Variants in STPG4 observed in about 807,000 individuals in gnomAD.
STPG4 encodes protein STPG4.
In STPG4, 41 loss-of-function variants were observed where a neutral mutation model predicts 31.5. The observed-to-expected ratio is 1.30, with a 90% confidence interval of 1.01 to 1.69. The LOEUF (loss-of-function observed/expected upper bound fraction) is 1.69. Among genes scored for constraint, STPG4 ranks in the 40% most tolerant of loss-of-function variants. The probability of loss-of-function intolerance (pLI) is 0.00; values close to 1 mark genes in which losing one functional copy is unlikely to be tolerated. For missense variants in STPG4, 375 were observed against 293.4 expected, an observed-to-expected ratio of 1.28 and a Z score of -2.03; for synonymous variants, 141 against 103.0, an observed-to-expected ratio of 1.37 and a Z score of -2.24.
intron 2 of STPG4, 76 bp from the exon 3 acceptor site, chr2:47,151,591 G>T: frequency 8.1e-7 from 1 of 1,230,940 alleles, no homozygotes; most frequent in Non-Finnish European, 1.2e-6. Context: ...TGGATGGGAA[G>T]CTCCCAAGTA....
intron 5 of STPG4, among the ~76,000 whole-genome samples, chr2:47,118,730 TAG>T (rs1447562999): frequency 6.6e-6 from 1 of 152,166 alleles, no homozygotes; most frequent in African/African-American, 2.4e-5. Context: ...ACCTGTCAAA[TAG>T]AGATGATAAA....
intron 5 of STPG4, among the ~76,000 whole-genome samples, chr2:47,107,384 G>T (rs1031065706): frequency 6.6e-6 from 1 of 152,160 alleles, no homozygotes; most frequent in Admixed American, 6.5e-5. Context: ...GCAGCTGGCC[G>T]GCCCTGCCGG....
At chr2:47,146,199 T>A (rs934500471) in intron 3 of STPG4, among the ~76,000 whole-genome samples, 23 of 152,202 alleles carry the variant, frequency 1.5e-4, no homozygotes, top group African/African-American at 4.8e-4. Context: ...ACACTCACTA[T>A]CATACCGCTT....
At chr2:47,131,113 C>A (rs999754357) in intron 3 of STPG4, among the ~76,000 whole-genome samples, 8 of 151,752 alleles carry the variant, frequency 5.3e-5, no homozygotes, top group African/African-American at 1.7e-4. Flanking sequence ...TGTACCTGAC[C>A]TGATCACATC....
At chr2:47,128,286 G>A (rs1037331822) in intron 5 of STPG4, among the ~76,000 whole-genome samples, 2 of 152,142 alleles carry the variant, frequency 1.3e-5, no homozygotes, top group African/African-American at 4.8e-5. Context: ...GACTGCACTG[G>A]GTCAGAGCCA....
chr2:47,154,690 C>T (rs1558691195), intron 1 of STPG4, among the ~76,000 whole-genome samples: 1 of 152,188 alleles, frequency 6.6e-6, no homozygotes, highest in African/African-American at 2.4e-5. Context: ...GAGATCACAC[C>T]GCTGCACTCC....
intron 3 of STPG4, among the ~76,000 whole-genome samples, chr2:47,141,023 A>G (rs1686691164): frequency 6.6e-6 from 1 of 151,866 alleles, no homozygotes; most frequent in South Asian, 2.1e-4. Context: ...AGTAGCTGTG[A>G]CTACAGGTGT....
Position 47,137,073 on chromosome 2 carries a change from A to G in STPG4, c.400-6813T>C, listed in dbSNP as rs140072670. Among the ~76,000 whole-genome samples, 112 of 152,286 alleles carry G rather than the reference A, an allele frequency of 7.4e-4. 1 individual carries two copies. The East Asian group carries it at 0.02, about 27-fold the overall frequency. ...ACATCCTTGCCTTTTTCCTGATCTT[A>G]GTGGGAAAGCTTCTAGTTTCTCACC... On this transcript the variant is annotated intron_variant, in intron 3 of 6. Coordinates refer to ENST00000445927, the MANE Select transcript of STPG4 (RefSeq NM_001163561.2).
intron 5 of STPG4, among the ~76,000 whole-genome samples, chr2:47,092,521 C>CAAGAAAAGAAAG (rs1553422711): frequency 8.5e-6 from 1 of 117,422 alleles, no homozygotes; most frequent in East Asian, 2.9e-4. Flanking sequence ...GAATGAGACC[C>CAAGAAAAGAAAG]AAGAAAAGAA....
intron 5 of STPG4, among the ~76,000 whole-genome samples, chr2:47,123,536 C>G (rs1486211231): frequency 6.6e-6 from 1 of 152,002 alleles, no homozygotes; most frequent in Non-Finnish European, 1.5e-5. Context: ...AAAAATAAAC[C>G]AAGGAAGGGG....
intron 1 of STPG4, among the ~76,000 whole-genome samples, chr2:47,153,890 A>G (rs1686981397): frequency 6.6e-6 from 1 of 152,232 alleles, no homozygotes; most frequent in East Asian, 1.9e-4. Context: ...GAAGCTGATT[A>G]TTTTGGTATT....
chr2:47,108,221 G>T (rs4952872), intron 5 of STPG4, among the ~76,000 whole-genome samples: 1 of 135,972 alleles, frequency 7.4e-6, no homozygotes. Context: ...AGCAGGATGT[G>T]GGTGGGGCCA....
At chr2:47,153,943 T>C (rs761920573) in intron 1 of STPG4, among the ~76,000 whole-genome samples, 5 of 152,254 alleles carry the variant, frequency 3.3e-5, no homozygotes, top group Non-Finnish European at 5.9e-5. Flanking sequence ...TTTAGTACTC[T>C]ATACCCATTC....
At chr2:47,114,453 G>C (rs1345071609) in intron 5 of STPG4, among the ~76,000 whole-genome samples, 1 of 152,078 alleles carries the variant, frequency 6.6e-6, no homozygotes, top group Non-Finnish European at 1.5e-5. Context: ...GTTGCAGTGA[G>C]TCGAGATCAC....
rs72877047 is a variant in STPG4, at chr2:47,126,350, G to A, written c.519+3591C>T. On this transcript the variant is annotated intron_variant, in intron 5 of 6. Transcript: ENST00000445927. ...CCTTCTCCTTCTTCTTCTTCAGACAGGGTCTTGTTCTGTTGCCCAGGCTGG... is the reference window on the plus strand; with the variant it reads ...CCTTCTCCTTCTTCTTCTTCAGACAAGGTCTTGTTCTGTTGCCCAGGCTGG... 8.8e-4 allele frequency among the ~76,000 whole-genome samples: 133 copies of A among 151,456 alleles called. 2 individuals are homozygous for A. Among genetic ancestry groups the A allele is most frequent in the African/African-American group, 3.2e-3 (131 of 41,190 alleles).
intron 5 of STPG4, among the ~76,000 whole-genome samples, chr2:47,101,335 G>A (rs554773837): frequency 6.6e-6 from 1 of 151,724 alleles, no homozygotes; most frequent in Non-Finnish European, 1.5e-5. Context: ...GGTTGACAGA[G>A]AGGAAAGCCA....
chr2:47,097,721 T>G (rs35110183), intron 5 of STPG4, among the ~76,000 whole-genome samples: 35,330 of 152,072 alleles, frequency 0.23, 4,208 homozygotes, highest in Admixed American at 0.26. Context: ...GGTTTATAAA[T>G]TACCCAGTCT....
At chr2:47,124,363 C>A (rs1686326352) in intron 5 of STPG4, among the ~76,000 whole-genome samples, 1 of 152,118 alleles carries the variant, frequency 6.6e-6, no homozygotes, top group Non-Finnish European at 1.5e-5. Flanking sequence ...ATCATTCTAT[C>A]TAACTATATC....
At chr2:47,100,094 C>T (rs112658623) in intron 5 of STPG4, among the ~76,000 whole-genome samples, 9 of 152,086 alleles carry the variant, frequency 5.9e-5, no homozygotes, top group African/African-American at 2.2e-4. Context: ...GTCCCATCGA[C>T]CACCCAAGGG....
Sources: gnomAD v4.1 joint callset for allele counts (sites outside exome capture counted in the v4.1 genomes callset) on GRCh38, gnomAD v4.1.1 for gene constraint, MANE v1.5 for transcripts, NCBI Gene and HGNC (gene_info 2026-07-23, HGNC 2026-07-21) for gene names.